Variants in RAPH1 observed in about 807,000 individuals in gnomAD.
RAPH1 encodes the protein Ras association (RalGDS/AF-6) and pleckstrin homology domains 1.
A neutral mutation model predicts 88.1 loss-of-function variants in RAPH1; 18 were observed. The ratio of observed to expected loss-of-function variants is 0.20; its 90% CI spans 0.14 to 0.30. The LOEUF (loss-of-function observed/expected upper bound fraction) is 0.30, where lower values mean the gene tolerates loss of function less well. RAPH1 is among the 10% of genes least tolerant of loss of function. The pLI, the probability that RAPH1 is intolerant of heterozygous loss-of-function variation, is 1.00. For missense variants in RAPH1, 1,448 were observed against 1,543.2 expected (o/e 0.94, Z 1.03); for synonymous variants, 587 against 559.0 (o/e 1.05, Z -0.71).
At chr2:203,496,545 C>A (rs756599358) in intron 1 of RAPH1, among the ~76,000 whole-genome samples, 11 of 152,088 alleles carry the variant, frequency 7.2e-5, no homozygotes, top group Non-Finnish European at 1.6e-4. Flanking sequence ...TTAAACCAGC[C>A]AGCATATTCC....
chr2:203,498,545 G>GAGGAC (rs1228203881), intron 1 of RAPH1, among the ~76,000 whole-genome samples: 3 of 152,194 alleles, frequency 2.0e-5, no homozygotes, highest in African/African-American at 7.2e-5. Context: ...GAAGGGCTTA[G>GAGGAC]AGGACAGCAC....
Position 203,448,109 on chromosome 2 carries a change from T to G in RAPH1, c.1513-30A>C. 1.9e-6 allele frequency: 3 copies of G among 1,609,172 alleles called. No homozygotes were observed. Among genetic ancestry groups the G allele is most frequent in the Non-Finnish European group, 2.5e-6 (3 of 1,176,530 alleles). ...AGAGAAGACAGGAAATGGTGACATC[T>G]AAACTTTACTGAGTATGATACAGAA... is the stretch of plus-strand genomic sequence containing the variant. On this transcript the variant is annotated intron_variant, in intron 11 of 13. Transcript: ENST00000319170. The surrounding 1 kb of genome is among the most constrained non-coding windows in gnomAD (Gnocchi z 4.1).
chr2:203,466,625 T>C (rs1346512201), intron 4 of RAPH1, among the ~76,000 whole-genome samples: 1 of 152,214 alleles, frequency 6.6e-6, no homozygotes, highest in Non-Finnish European at 1.5e-5. Context: ...TTCTGCCCCA[T>C]ATCCTTGGAC....
chr2:203,528,979 C>CTATATATA (rs71408946), intron 1 of RAPH1, among the ~76,000 whole-genome samples: 199 of 61,170 alleles, frequency 3.3e-3, no homozygotes, highest in Middle Eastern at 0.032. Context: ...GGTTGTTTTG[C>CTATATATA]TATATATATA....
chr2:203,452,917 G>A (rs1404239470), intron 10 of RAPH1, among the ~76,000 whole-genome samples: 1 of 152,106 alleles, frequency 6.6e-6, no homozygotes, highest in Admixed American at 6.6e-5. Flanking sequence ...CAGCCAGGGA[G>A]ACAGAGTGAG....
At chr2:203,500,637 G>A (rs1410962355) in intron 1 of RAPH1, among the ~76,000 whole-genome samples, 2 of 152,080 alleles carry the variant, frequency 1.3e-5, no homozygotes, top group Non-Finnish European at 2.9e-5. Context: ...GTTACCCAGG[G>A]TATTGCTTAT....
chr2:203,483,845 G>T (rs888444937), intron 4 of RAPH1, among the ~76,000 whole-genome samples: 1 of 152,190 alleles, frequency 6.6e-6, no homozygotes, highest in Non-Finnish European at 1.5e-5. Context: ...AGGCTCTCCA[G>T]TCTTTGTACT....
chr2:203,450,912 T>TA (rs1448177651), intron 10 of RAPH1, among the ~76,000 whole-genome samples: 1 of 151,858 alleles, frequency 6.6e-6, no homozygotes, highest in East Asian at 1.9e-4. Context: ...TTTTTTTTTT[T>TA]AATCAAAACA....
At chr2:203,503,873 T>G (rs1052983419) in intron 1 of RAPH1, among the ~76,000 whole-genome samples, 4 of 152,148 alleles carry the variant, frequency 2.6e-5, no homozygotes, top group Non-Finnish European at 4.4e-5. Context: ...ACAGGGCCCA[T>G]GAAAGTCCAA....
chr2:203,463,184 A>G (rs1209559225), intron 4 of RAPH1, among the ~76,000 whole-genome samples: 1 of 150,912 alleles, frequency 6.6e-6, no homozygotes, highest in Non-Finnish European at 1.5e-5. Context: ...CCTGGGCAAC[A>G]GAGCGAGACT....
At chr2:203,459,665 G>C (rs574389323) in intron 7 of RAPH1, among the ~76,000 whole-genome samples, 1 of 152,146 alleles carries the variant, frequency 6.6e-6, no homozygotes, top group Non-Finnish European at 1.5e-5. Flanking sequence ...CTTCCAAAAC[G>C]GCTCACCCCA....
chr2:203,493,729 T>C (rs1688377802), intron 2 of RAPH1, among the ~76,000 whole-genome samples: 1 of 151,834 alleles, frequency 6.6e-6, no homozygotes, highest in Non-Finnish European at 1.5e-5. Flanking sequence ...TCCCAGCAGT[T>C]TGAGAGGCCG....
intron 1 of RAPH1, among the ~76,000 whole-genome samples, chr2:203,515,242 A>G (rs1192768653): frequency 6.6e-6 from 1 of 152,232 alleles, no homozygotes; most frequent in Non-Finnish European, 1.5e-5. Flanking sequence ...AAACTTTAAA[A>G]ATCTGTAATT....
intron 4 of RAPH1, among the ~76,000 whole-genome samples, chr2:203,465,101 T>C (rs1198852491): frequency 6.6e-6 from 1 of 152,214 alleles, no homozygotes; most frequent in African/African-American, 2.4e-5. Flanking sequence ...CAAAACTAAA[T>C]GTACTCTTAC....
chr2:203,492,088 G>C (rs956767511), intron 2 of RAPH1, among the ~76,000 whole-genome samples: 3 of 152,054 alleles, frequency 2.0e-5, no homozygotes, highest in Admixed American at 2.0e-4. Context: ...ACAAAAATTA[G>C]CTGGGCACAG....
chr2:203,530,630 G>A (rs1294884000), intron 1 of RAPH1, among the ~76,000 whole-genome samples: 4 of 152,166 alleles, frequency 2.6e-5, no homozygotes, highest in African/African-American at 9.7e-5. Context: ...GATGGCTCAC[G>A]CCTGTAATCC....
chr2:203,533,955 C>G (rs1690500077), intron 1 of RAPH1, among the ~76,000 whole-genome samples: 1 of 152,158 alleles, frequency 6.6e-6, no homozygotes, highest in Admixed American at 6.5e-5. Context: ...CAAGCCAATT[C>G]CAGGGCGTAC....
intron 1 of RAPH1, among the ~76,000 whole-genome samples, chr2:203,506,195 T>C (rs1035494011): frequency 6.6e-6 from 1 of 152,160 alleles, no homozygotes; most frequent in Non-Finnish European, 1.5e-5. Flanking sequence ...TTGGATTAGG[T>C]ATTGAATTAT....
chr2:203,528,087 T>A (rs1238288888), intron 1 of RAPH1, among the ~76,000 whole-genome samples: 1 of 152,204 alleles, frequency 6.6e-6, no homozygotes, highest in Non-Finnish European at 1.5e-5. Context: ...CATTTATCTT[T>A]TATAAAAAGA....
Sources: allele counts gnomAD v4.1 joint callset (sites outside exome capture counted in the v4.1 genomes callset), GRCh38; gene constraint gnomAD v4.1.1; non-coding constraint Gnocchi (gnomAD v3.1); transcripts MANE v1.5; gene names NCBI Gene and HGNC (gene_info 2026-07-23, HGNC 2026-07-21).